ITGA9: variants seen among roughly 807,000 people sequenced by gnomAD.
ITGA9 encodes integrin subunit alpha 9, also known as integrin alpha-9.
Under a neutral mutation model 127.8 loss-of-function variants are expected in ITGA9, and 56 were observed. The ratio of observed to expected loss-of-function variants is 0.44; its 90% CI spans 0.35 to 0.55. The LOEUF is 0.55. Ranked by LOEUF, ITGA9 falls within the 20% of genes least tolerant of loss-of-function variation. The pLI, the probability that ITGA9 is intolerant of heterozygous loss-of-function variation, is 0.00. For synonymous variants in ITGA9, 508 were observed against 514.5 expected (o/e 0.99, Z 0.17); for missense variants, 1,196 against 1,347.1 (o/e 0.89, Z 1.76).
chr3:37,623,683 G>A (rs1329658427), intron 15 of ITGA9, among the ~76,000 whole-genome samples: 1 of 87,814 alleles, frequency 1.1e-5, no homozygotes, highest in African/African-American at 4.1e-5. Context: ...ATGTGTGTGT[G>A]TGTGTGTCTG....
intron 23 of ITGA9, among the ~76,000 whole-genome samples, chr3:37,756,673 A>C (rs761351721): frequency 1.8e-4 from 28 of 152,226 alleles, no homozygotes; most frequent in Non-Finnish European, 3.8e-4. Context: ...ATTTATATGG[A>C]GTAATTAACA....
chr3:37,467,018 T>A (rs1190129963), intron 1 of ITGA9, among the ~76,000 whole-genome samples: 1 of 152,196 alleles, frequency 6.6e-6, no homozygotes, highest in Non-Finnish European at 1.5e-5. Context: ...TCCCTTGGGA[T>A]CAGCCTGGTA....
intron 15 of ITGA9, among the ~76,000 whole-genome samples, chr3:37,604,841 C>G (rs1436181779): frequency 6.6e-6 from 1 of 152,168 alleles, no homozygotes; most frequent in Admixed American, 6.5e-5. Context: ...GAGGCTTCCT[C>G]TCCCCTTCCA....
At chr3:37,552,704 C>A (rs1215874356) in intron 15 of ITGA9, among the ~76,000 whole-genome samples, 1 of 152,166 alleles carries the variant, frequency 6.6e-6, no homozygotes, top group East Asian at 1.9e-4. Flanking sequence ...CACACACACA[C>A]GTTTTTCGCA....
At chr3:37,808,669 C>A (rs141403097) in intron 27 of ITGA9, 1 of 152,330 alleles carries the variant, frequency 6.6e-6, no homozygotes, top group African/African-American at 2.4e-5. Flanking sequence ...TTCCGTCCCA[C>A]ATGACATTGA....
intron 15 of ITGA9, among the ~76,000 whole-genome samples, chr3:37,608,040 T>C (rs2125624263): frequency 6.6e-6 from 1 of 152,354 alleles, no homozygotes; most frequent in East Asian, 1.9e-4. Context: ...GCATCCGATC[T>C]GCAGCCAGGG....
intron 15 of ITGA9, among the ~76,000 whole-genome samples, chr3:37,598,381 G>T (rs1301628179): frequency 6.6e-6 from 1 of 152,146 alleles, no homozygotes; most frequent in African/African-American, 2.4e-5. Context: ...GTGCCAGGGA[G>T]CTCTAATTGT....
intron 23 of ITGA9, 105 bp downstream of exon 23, chr3:37,750,674 T>G (rs1696572751): frequency 2.4e-6 from 2 of 822,288 alleles, no homozygotes; most frequent in African/African-American, 3.3e-5. Context: ...TTTGGAAAAT[T>G]CAACTCATTC....
intron 23 of ITGA9, among the ~76,000 whole-genome samples, chr3:37,755,367 G>A (rs538834208): frequency 6.6e-6 from 1 of 152,234 alleles, no homozygotes; most frequent in South Asian, 2.1e-4. Context: ...GACAGATGAG[G>A]AGTAGACCCC....
chr3:37,810,624 C>T (rs1697356399), intron 27 of ITGA9, among the ~76,000 whole-genome samples: 1 of 152,084 alleles, frequency 6.6e-6, no homozygotes, highest in African/African-American at 2.4e-5. Context: ...CCATATTGGC[C>T]AGGCTAGTCT....
chr3:37,747,716 C>CTTTTTTTTT (rs56897652), intron 22 of ITGA9, among the ~76,000 whole-genome samples: 4 of 140,030 alleles, frequency 2.9e-5, no homozygotes, highest in Non-Finnish European at 3.1e-5. Flanking sequence ...CCTTTTTTTT[C>CTTTTTTTTT]TTTTTTTTTT....
At chr3:37,626,485 C>T (rs1700176853) in intron 15 of ITGA9, among the ~76,000 whole-genome samples, 1 of 152,024 alleles carries the variant, frequency 6.6e-6, no homozygotes, top group South Asian at 2.1e-4. Context: ...CATAGTGAGA[C>T]CCCATCTCTA....
At chr3:37,630,901 G>A (rs1209714309) in intron 16 of ITGA9, among the ~76,000 whole-genome samples, 1 of 152,204 alleles carries the variant, frequency 6.6e-6, no homozygotes, top group African/African-American at 2.4e-5. Context: ...ACTCTGAGGT[G>A]TGGAGAAGGC....
chr3:37,681,190 G>A (rs531128316), intron 17 of ITGA9, among the ~76,000 whole-genome samples: 9 of 152,268 alleles, frequency 5.9e-5, no homozygotes, highest in African/African-American at 1.9e-4. Flanking sequence ...CAAGAAAAAC[G>A]TATGCTGGTT....
intron 15 of ITGA9, among the ~76,000 whole-genome samples, chr3:37,566,748 C>T (rs1370903791): frequency 6.6e-6 from 1 of 152,174 alleles, no homozygotes; most frequent in Non-Finnish European, 1.5e-5. Context: ...AATTGACTGT[C>T]TCATGAAATA....
At chr3:37,780,498 T>C (rs1230646675) in intron 25 of ITGA9, among the ~76,000 whole-genome samples, 1 of 148,250 alleles carries the variant, frequency 6.7e-6, no homozygotes, top group Non-Finnish European at 1.5e-5. Flanking sequence ...AATTCTTTTT[T>C]ATGGCTGAGT....
chr3:37,745,030 T>A (rs1696484626), intron 22 of ITGA9, among the ~76,000 whole-genome samples: 2 of 152,226 alleles, frequency 1.3e-5, no homozygotes, highest in Non-Finnish European at 2.9e-5. Context: ...AACTCTTCTC[T>A]GCCTCTTGCG....
intron 15 of ITGA9, among the ~76,000 whole-genome samples, chr3:37,587,290 A>G (rs1475108139): frequency 6.6e-6 from 1 of 152,234 alleles, no homozygotes; most frequent in Non-Finnish European, 1.5e-5. Flanking sequence ...AGAACTGAGT[A>G]TGCAACTGTT....
chr3:37,797,096 G>A (rs866776821), intron 26 of ITGA9, among the ~76,000 whole-genome samples: 2 of 152,114 alleles, frequency 1.3e-5, no homozygotes, highest in South Asian at 2.1e-4. Context: ...GGGAGGCTGA[G>A]GCATGCAGAT....
Sources: gnomAD v4.1 joint callset for allele counts (sites outside exome capture counted in the v4.1 genomes callset) on GRCh38, gnomAD v4.1.1 for gene constraint, MANE v1.5 for transcripts, NCBI Gene and HGNC (gene_info 2026-07-23, HGNC 2026-07-21) for gene names.